Variants in RAPGEF6 observed in about 807,000 individuals in gnomAD.
RAPGEF6 encodes PDZ domain containing guanine nucleotide exchange factor (GEF) 2.
RAPGEF6 carries 56 observed loss-of-function variants against 171.4 expected under a neutral mutation model. That is an observed-to-expected ratio of 0.33 (90% CI 0.26 to 0.41). The LOEUF is 0.41. Ranked by LOEUF, RAPGEF6 falls within the 10% of genes least tolerant of loss-of-function variation. The pLI, the probability that RAPGEF6 is intolerant of heterozygous loss-of-function variation, is 1.00. For synonymous variants in RAPGEF6, 692 were observed against 650.1 expected (o/e 1.06, Z -0.98); for missense variants, 1,674 against 1,921.4 (o/e 0.87, Z 2.41).
At chr5:131,509,926 C>G in intron 8 of RAPGEF6, among the ~76,000 whole-genome samples, 1 of 152,180 alleles carries the variant, frequency 6.6e-6, no homozygotes, top group East Asian at 1.9e-4. Flanking sequence ...CCTTATTCTC[C>G]TTTGGATTAC....
At chr5:131,612,676 C>G (rs771051039) in intron 1 of RAPGEF6, among the ~76,000 whole-genome samples, 5 of 152,094 alleles carry the variant, frequency 3.3e-5, no homozygotes, top group African/African-American at 7.2e-5. Flanking sequence ...AATTGTAATA[C>G]ACAAAAGTTA....
intron 1 of RAPGEF6, among the ~76,000 whole-genome samples, chr5:131,619,168 G>A (rs1248842524): frequency 1.3e-5 from 2 of 152,016 alleles, no homozygotes; most frequent in Non-Finnish European, 2.9e-5. Flanking sequence ...GGCCAGGTAT[G>A]GTGGCTCACG....
chr5:131,469,411 T>G (rs534201224), intron 17 of RAPGEF6, among the ~76,000 whole-genome samples: 1 of 152,210 alleles, frequency 6.6e-6, no homozygotes, highest in Admixed American at 6.5e-5. Flanking sequence ...CTATATGAAA[T>G]AAATCAATTA....
chr5:131,427,627 T>G (rs753456948), intron 27 of RAPGEF6, among the ~76,000 whole-genome samples: 3 of 152,206 alleles, frequency 2.0e-5, no homozygotes, highest in Non-Finnish European at 2.9e-5. Context: ...AATAGAATCA[T>G]TTCAGATAAT....
chr5:131,491,872 G>A (rs1470898648), intron 14 of RAPGEF6, among the ~76,000 whole-genome samples: 1 of 152,166 alleles, frequency 6.6e-6, no homozygotes, highest in Non-Finnish European at 1.5e-5. Flanking sequence ...GGGGACCACT[G>A]ATCTAGAGAG....
chr5:131,537,919 T>C (rs1759878339), intron 6 of RAPGEF6, among the ~76,000 whole-genome samples: 1 of 98,720 alleles, frequency 1.0e-5, no homozygotes, highest in Non-Finnish European at 2.1e-5. Context: ...ATGATGAAAC[T>C]CCGTCTCTAC....
chr5:131,597,810 G>A (rs147926873), intron 3 of RAPGEF6, among the ~76,000 whole-genome samples: 399 of 152,154 alleles, frequency 2.6e-3, no homozygotes, highest in African/African-American at 8.9e-3. Flanking sequence ...GGATTATTAT[G>A]GTTAACAGTA....
chr5:131,526,156 C>T (rs1194795100), intron 6 of RAPGEF6, among the ~76,000 whole-genome samples: 1 of 152,154 alleles, frequency 6.6e-6, no homozygotes, highest in African/African-American at 2.4e-5. Context: ...ACAGTGGAGA[C>T]AGATTTATAA....
intron 5 of RAPGEF6, among the ~76,000 whole-genome samples, chr5:131,552,608 GCAC>G (rs1760988491): frequency 6.6e-6 from 1 of 151,912 alleles, no homozygotes; most frequent in Non-Finnish European, 1.5e-5. Context: ...TTACAGGCAT[GCAC>G]CACCACGCCT....
chr5:131,528,313 T>TATTTTATATATATA (rs1251388931), intron 6 of RAPGEF6, among the ~76,000 whole-genome samples: 2 of 48,846 alleles, frequency 4.1e-5, no homozygotes, highest in Non-Finnish European at 9.1e-5. Flanking sequence ...TATATTTATA[T>TATTTTATATATATA]TATATATATA....
chr5:131,608,762 A>G (rs1291655), intron 1 of RAPGEF6, among the ~76,000 whole-genome samples: 138,813 of 151,780 alleles, frequency 0.91, 63,681 homozygotes, highest in Middle Eastern at 0.98. Context: ...TTGTTAAAAA[A>G]AGTCTGGCTT....
At chr5:131,595,963 G>A (rs1763872865) in intron 3 of RAPGEF6, among the ~76,000 whole-genome samples, 1 of 152,084 alleles carries the variant, frequency 6.6e-6, no homozygotes, top group Non-Finnish European at 1.5e-5. Context: ...GACCAGCCTG[G>A]CCAACATGGC....
At chr5:131,585,459 C>T (rs1294894568) in intron 4 of RAPGEF6, among the ~76,000 whole-genome samples, 1 of 152,054 alleles carries the variant, frequency 6.6e-6, no homozygotes, top group African/African-American at 2.4e-5. Context: ...CAAAGTCACC[C>T]CTCTGCTCAC....
chr5:131,456,076 C>A, intron 19 of RAPGEF6, 64 bp from the exon 20 acceptor site: 1 of 1,115,892 alleles, frequency 9.0e-7, no homozygotes, highest in Non-Finnish European at 1.3e-6. Context: ...CTCAGGTCAG[C>A]ATATACACCA....
At chr5:131,579,023 C>G (rs1295611963) in intron 4 of RAPGEF6, among the ~76,000 whole-genome samples, 1 of 152,160 alleles carries the variant, frequency 6.6e-6, no homozygotes, top group Non-Finnish European at 1.5e-5. Flanking sequence ...GTGGTGTGTC[C>G]AGAGTTTGTT....
intron 16 of RAPGEF6, among the ~76,000 whole-genome samples, chr5:131,478,304 C>G (rs920682963): frequency 6.6e-6 from 1 of 152,052 alleles, no homozygotes. Flanking sequence ...GACACAATTC[C>G]AAGTTGCCTC....
At chr5:131,440,394 A>C (rs1169427535) in intron 23 of RAPGEF6, among the ~76,000 whole-genome samples, 3 of 152,166 alleles carry the variant, frequency 2.0e-5, no homozygotes, top group Non-Finnish European at 4.4e-5. Context: ...ACGTTTTTAC[A>C]TTCATCTTCT....
At position 131,461,751 on chromosome 5, in the gene RAPGEF6, G is replaced by A; in HGVS notation, c.2818C>T (p.His940Tyr). The A allele has an allele frequency of 6.2e-7, 1 of 1,607,666 alleles. No homozygotes were observed. The highest frequency in any genetic ancestry group is 8.5e-7 in the Non-Finnish European group (1 of 1,174,764). ...IIKHFIKIAL[H>Y]CRECKNFNSM... Reference sequence around the variant, plus strand: ...TTGAAGTTCTTACATTCTCGACAATGAAGTGCAATTTTAATAAAATGCTTA... The same window carrying A: ...TTGAAGTTCTTACATTCTCGACAATAAAGTGCAATTTTAATAAAATGCTTA... The change falls in exon 19 of 28, where the codon CAT becomes TAT. Residue 940 changes from histidine (H) to tyrosine (Y), a missense_variant. By Grantham distance (83) the His-to-Tyr change is moderately conservative. This residue lies in a region of RAPGEF6 where 1,116 missense variants were observed against 1,321.5 expected (regional missense o/e 0.84). Coordinates refer to ENST00000509018, the MANE Select transcript of RAPGEF6 (RefSeq NM_016340.6).
At chr5:131,477,989 C>T (rs928759739) in intron 16 of RAPGEF6, among the ~76,000 whole-genome samples, 1 of 152,178 alleles carries the variant, frequency 6.6e-6, no homozygotes, top group Admixed American at 6.5e-5. Context: ...CTTACTCGAT[C>T]CCCATTTGTG....
Sources: gnomAD v4.1 joint callset for allele counts (sites outside exome capture counted in the v4.1 genomes callset) on GRCh38, gnomAD v4.1.1 for gene constraint, gnomAD v4.1.1 regional missense constraint, MANE v1.5 for transcripts, NCBI Gene and HGNC (gene_info 2026-07-23, HGNC 2026-07-21) for gene names.